KLK1: variants seen among roughly 807,000 people sequenced by gnomAD.
The protein encoded by KLK1 is kallikrein-1.
KLK1 carries 22 observed loss-of-function variants against 23.3 expected under a neutral mutation model. The ratio of observed to expected loss-of-function variants is 0.95; its 90% CI spans 0.68 to 1.35. The LOEUF is 1.35. Among genes scored for constraint, KLK1 ranks in the 40% most tolerant of loss-of-function variants. KLK1 has a pLI of 0.00. For synonymous variants in KLK1, 140 were observed against 135.8 expected (o/e 1.03, Z -0.21); for missense variants, 301 against 338.9 (o/e 0.89, Z 0.88).
At position 50,821,702 on chromosome 19, in the gene KLK1, C is replaced by A; in HGVS notation, c.206+10G>T. ...GATGCCCTCCTCCCAGACCCCAGGC[C>A]CCTACTCACTCGCTGATGCAATGAG... On this transcript the variant is annotated intron_variant, in intron 2 of 4. Coordinates refer to ENST00000301420, the MANE Select transcript of KLK1 (RefSeq NM_002257.4). The surrounding 1 kb of genome is among the most constrained non-coding windows in gnomAD (Gnocchi z 5.6). The A allele has an allele frequency of 6.3e-7, 1 of 1,598,992 alleles. No individual in the cohort carries two copies. The highest frequency in any genetic ancestry group is 8.5e-7 in the Non-Finnish European group (1 of 1,171,752).
rs763298287 is a variant in KLK1 at position 50,820,315 on chromosome 19, TGGC to T, written c.332_334del (p.Arg111del). ...GTCGTGGCTGTAGTCCTCGTCTGCT[TGGC>T]GGGTGTGGTTCTCCAGGAGGCTCAT... On this transcript the variant is annotated inframe_deletion, in exon 3 of 5. Transcript: ENST00000301420. The T allele has an allele frequency of 7.4e-6, 12 of 1,613,822 alleles. No homozygotes were observed. Among genetic ancestry groups the T allele is most frequent in the South Asian group, 4.4e-5 (4 of 91,074 alleles).
At chr19:50,820,940 G>A (rs944758659) in intron 2 of KLK1, 15 of 151,480 alleles carry the variant, frequency 9.9e-5, no homozygotes, top group African/African-American at 3.7e-4. Flanking sequence ...CCCTGGGGGA[G>A]GGTGGGGGCA....
At chr19:50,823,322 C>G (rs1228063518) in intron 1 of KLK1, among the ~76,000 whole-genome samples, 1 of 151,668 alleles carries the variant, frequency 6.6e-6, no homozygotes, top group Non-Finnish European at 1.5e-5. Context: ...AGGGGATGAT[C>G]AGAGTCCTGT....
chr19:50,820,105 G>A lies in KLK1; in HGVS notation c.496+49C>T, dbSNP rs2411330. On this transcript the variant is annotated intron_variant, in intron 3 of 4. Transcript: ENST00000301420. ...TTCCCTGGCCCTTTCTCCCTTGGACGCAGGAGTCCCCATCCCCGCCTTGGG... is the reference window on the plus strand; with the variant it reads ...TTCCCTGGCCCTTTCTCCCTTGGACACAGGAGTCCCCATCCCCGCCTTGGG... 7,405 of 1,604,868 alleles carry A rather than the reference G, an allele frequency of 4.6e-3. 345 individuals are homozygous for A. In the African/African-American group the frequency reaches 0.088, roughly 19 times the overall value.
intron 1 of KLK1, chr19:50,822,932 T>C (rs894246831): frequency 9.1e-6 from 9 of 984,376 alleles, no homozygotes; most frequent in Admixed American, 6.2e-5. Flanking sequence ...ATCCTTGGGG[T>C]GGGGTTCCAG....
chr19:50,823,625 G>A (rs1162834795), intron 1 of KLK1, 78 bp downstream of exon 1: 6 of 928,806 alleles, frequency 6.5e-6, no homozygotes, highest in East Asian at 2.5e-5. Flanking sequence ...TGGAGGGGAA[G>A]GTCTTATCGG....
chr19:50,821,764 C>A lies in KLK1; in HGVS notation c.154G>T (p.Gly52Cys), dbSNP rs1254827540. The change falls in exon 2 of 5, where the codon GGC (glycine) becomes TGC (cysteine). Residue 52 changes from glycine to cysteine, a missense_variant. Coordinates refer to ENST00000301420, the MANE Select transcript of KLK1 (RefSeq NM_002257.4). The surrounding 1 kb of genome is among the most constrained non-coding windows in gnomAD (Gnocchi z 5.6). ...ACCCACTGGCGGTGCACCAGGATGC[C>A]CCCACACTGGAAAGTGCTGAAATGG... ...LYHFSTFQCG[G>C]ILVHRQWVLT... 6.2e-7 allele frequency: 1 copy of A among 1,613,932 alleles called. No individual in the cohort carries two copies. Among genetic ancestry groups the A allele is most frequent in the South Asian group, 1.1e-5 (1 of 91,076 alleles).
At chr19:50,823,277 G>A (rs1187655796) in intron 1 of KLK1, among the ~76,000 whole-genome samples, 1 of 152,026 alleles carries the variant, frequency 6.6e-6, no homozygotes, top group Non-Finnish European at 1.5e-5. Flanking sequence ...AGACTCAGGA[G>A]CCAAATAGGT....
rs558911991 is a variant in KLK1, at chr19:50,820,338, G to A, written c.312C>T (p.Ser104=). 223 of 1,614,002 alleles carry A rather than the reference G, an allele frequency of 1.4e-4. No individual in the cohort carries two copies. The South Asian group carries it at 2.3e-3, about 17-fold the overall frequency. ...ESFPHPGFNM[S]LLENHTRQAD... is the part of the protein sequence containing the mutation. ...CTTGGCGGGTGTGGTTCTCCAGGAGGCTCATGTTGAAGCCAGGGTGTGGGA... is the reference window on the plus strand; with the variant it reads ...CTTGGCGGGTGTGGTTCTCCAGGAGACTCATGTTGAAGCCAGGGTGTGGGA... Residue 104 remains serine, a synonymous_variant, in exon 3 of 5, where the codon AGC becomes AGT. Coordinates refer to ENST00000301420, the MANE Select transcript of KLK1 (RefSeq NM_002257.4).
chr19:50,820,296 G>A lies in KLK1; in HGVS notation c.354C>T (p.Ser118=). 1 of 1,614,090 alleles carries A rather than the reference G, an allele frequency of 6.2e-7. No individual in the cohort carries two copies. Among genetic ancestry groups the A allele is most frequent in the Non-Finnish European group, 8.5e-7 (1 of 1,180,018 alleles). ...TCAGGCGGAGCAGCATGAGGTCGTG[G>A]CTGTAGTCCTCGTCTGCTTGGCGGG... ...NHTRQADEDY[S]HDLMLLRLTE... The change falls in exon 3 of 5, where the codon AGC becomes AGT. Residue 118 remains serine (S), a synonymous_variant. Transcript: ENST00000301420.
intron 3 of KLK1, 58 bp from the exon 4 acceptor site, chr19:50,820,093 T>G: frequency 6.2e-7 from 1 of 1,609,430 alleles, no homozygotes; most frequent in South Asian, 1.1e-5. Flanking sequence ...CCTGGCCCTT[T>G]CTCCCTTGGA....
intron 4 of KLK1, 112 bp downstream of exon 4, chr19:50,819,787 A>T: frequency 1.9e-6 from 2 of 1,076,106 alleles, no homozygotes; most frequent in Non-Finnish European, 2.7e-6. Flanking sequence ...GCGAGTGGCT[A>T]CAGCTAGCTG....
chr19:50,819,410 G>C, intron 4 of KLK1, 61 bp from the exon 5 acceptor site: 1 of 1,520,416 alleles, frequency 6.6e-7, no homozygotes, highest in Non-Finnish European at 8.9e-7. Flanking sequence ...GTTCTGCCTG[G>C]GGAGCCCCAG....
intron 1 of KLK1, 36 bp downstream of exon 1, chr19:50,823,667 G>A: frequency 7.0e-7 from 1 of 1,427,654 alleles, no homozygotes; most frequent in Non-Finnish European, 9.8e-7. Flanking sequence ...GAGAATCAGG[G>A]CCCGTTCCCC....
chr19:50,822,281 C>G (rs1381960426), intron 1 of KLK1: 1 of 997,646 alleles, frequency 1.0e-6, no homozygotes, highest in African/African-American at 1.7e-5. Context: ...GGATCAGAGG[C>G]TCACTGAGGA....
chr19:50,819,542 T>C (rs979097049), intron 4 of KLK1, among the ~76,000 whole-genome samples, 193 bp from the exon 5 acceptor site: 4 of 151,994 alleles, frequency 2.6e-5, no homozygotes, highest in Non-Finnish European at 5.9e-5. Flanking sequence ...CTCCTGCACA[T>C]GGGGCAGGGT....
Position 50,820,183 on chromosome 19 carries a change from G to C in KLK1, c.467C>G (p.Ser156Cys). ...EPEVGSTCLA[S>C]GWGSIEPENF... ...CTCTGGTTCGATGCTGCCCCAGCCG[G>C]AAGCCAAACAGGTGCTCCCCACTTC... is the stretch of plus-strand genomic sequence containing the variant. The change falls in exon 3 of 5, where the codon TCC (serine) becomes TGC (cysteine). Residue 156 changes from serine (S) to cysteine (C), a missense_variant. Ser to Cys is a moderately radical substitution (Grantham distance 112). Coordinates refer to ENST00000301420, the MANE Select transcript of KLK1 (RefSeq NM_002257.4). 6.2e-7 allele frequency: 1 copy of C among 1,606,456 alleles called. No homozygotes were observed. Among genetic ancestry groups the C allele is most frequent in the Non-Finnish European group, 8.5e-7 (1 of 1,174,306 alleles).
intron 1 of KLK1, chr19:50,822,749 G>T: frequency 1.0e-6 from 1 of 985,422 alleles, no homozygotes; most frequent in Non-Finnish European, 1.2e-6. Context: ...GGTACTGGAA[G>T]GATATGGGGT....
In KLK1 at chr19:50,819,330, A is replaced by G; in HGVS notation, c.653T>C (p.Leu218Pro). The G allele has an allele frequency of 6.2e-7, 1 of 1,611,582 alleles. No homozygotes were observed. The highest frequency in any genetic ancestry group is 1.7e-5 in the Admixed American group (1 of 59,900). ...ACCTTGGAGCACACCATCACACATC[A>G]GCGGGCCCCCTGAATCACCCTGGGA... is the stretch of plus-strand genomic sequence containing the variant. ...DTCVGDSGGP[L>P]MCDGVLQGVT... is the part of the protein sequence containing the mutation. Residue 218 changes from leucine to proline, a missense_variant, in exon 5 of 5, where the codon CTG (leucine) becomes CCG (proline). Physicochemically the swap from Leu to Pro is moderately conservative, Grantham distance 98 (BLOSUM62 -3). Transcript: ENST00000301420.
Sources: allele counts gnomAD v4.1 joint callset (sites outside exome capture counted in the v4.1 genomes callset), GRCh38; gene constraint gnomAD v4.1.1; non-coding constraint Gnocchi (gnomAD v3.1); transcripts MANE v1.5; gene names NCBI Gene and HGNC (gene_info 2026-07-23, HGNC 2026-07-21).